CARNMT1: variants seen among roughly 807,000 people sequenced by gnomAD.
CARNMT1 encodes protein-L-histidine N-pros-methyltransferase CARNMT1.
In CARNMT1, 28 loss-of-function variants were observed where a neutral mutation model predicts 49.6. That is an observed-to-expected ratio of 0.56 (90% CI 0.42 to 0.77). CARNMT1 has a LOEUF of 0.77. Ranked by LOEUF, CARNMT1 falls within the 30% of genes least tolerant of loss-of-function variation. The pLI is 0.00. For synonymous variants in CARNMT1, 178 were observed against 175.0 expected, an observed-to-expected ratio of 1.02 and a Z score of -0.13; for missense variants, 421 against 512.6, an observed-to-expected ratio of 0.82 and a Z score of 1.73.
intron 3 of CARNMT1, among the ~76,000 whole-genome samples, chr9:75,000,495 T>C (rs1001726447): frequency 3.3e-5 from 5 of 152,106 alleles, no homozygotes; most frequent in Admixed American, 2.0e-4. Context: ...AACTGATCTC[T>C]ACCTACTAGC....
Position 74,998,751 on chromosome 9 carries a change from G to T in CARNMT1, c.757C>A (p.Leu253Ile). 6.5e-7 allele frequency: 1 copy of T among 1,533,418 alleles called. No homozygotes were observed. The highest frequency in any genetic ancestry group is 8.8e-7 in the Non-Finnish European group (1 of 1,137,258). 95.0% of individuals were successfully genotyped at this position (1,533,418 alleles called of 1,614,324 possible). Residue 253 changes from leucine to isoleucine, a missense_variant, in exon 5 of 8, where the codon CTT becomes ATT. Leu to Ile is a conservative substitution (Grantham distance 5). This residue lies in a region of CARNMT1 where 235 missense variants were observed against 344.8 expected (regional missense o/e 0.68). Coordinates refer to ENST00000376834, the MANE Select transcript of CARNMT1 (RefSeq NM_152420.3). ...CTAAACTGATGGATCCAAGGATAAAGTTTATATTTATTAATTTCAGAACAT... is the reference window on the plus strand; with the variant it reads ...CTAAACTGATGGATCCAAGGATAAATTTTATATTTATTAATTTCAGAACAT... ...NRCSEINKYK[L>I]YPWIHQFSNN...
chr9:75,015,821 A>T (rs10465193), intron 3 of CARNMT1: 34,360 of 136,836 alleles, frequency 0.25, 4,400 homozygotes, highest in East Asian at 0.38. Flanking sequence ...TAAATAAAAT[A>T]AAAAAAAAAT....
In CARNMT1 at chr9:75,017,209, G is replaced by A. The variant is rs766732473; in HGVS notation, c.426+44C>T. ...AAAATAAAAGACCTCAAAATACAGAGGTTGACCCTAAAATAAACAGAAATA... is the reference window on the plus strand; with the variant it reads ...AAAATAAAAGACCTCAAAATACAGAAGTTGACCCTAAAATAAACAGAAATA... On this transcript the variant is annotated intron_variant, in intron 2 of 7. Transcript: ENST00000376834. The A allele has an allele frequency of 4.8e-6, 7 of 1,464,198 alleles. No homozygotes were observed. In the African/African-American group the frequency reaches 8.4e-5, roughly 17 times the overall value. 90.7% of individuals were successfully genotyped at this position (1,464,198 alleles called of 1,614,324 possible).
chr9:75,016,470 TA>T, intron 2 of CARNMT1, 39 bp from the exon 3 acceptor site: 1 of 1,595,314 alleles, frequency 6.3e-7, no homozygotes, highest in South Asian at 1.1e-5. Context: ...TCTGAGAGAG[TA>T]ATCCACTTAT....
chr9:74,981,489 C>T lies in CARNMT1; in HGVS notation c.*2278G>A, dbSNP rs1832692040. The T allele has an allele frequency of 6.6e-6, 1 of 151,860 alleles. No homozygotes were observed. The highest frequency in any genetic ancestry group is 1.5e-5 in the Non-Finnish European group (1 of 67,942). The allele number at this position is 151,860 out of a possible 1,614,324, so 9.4% of individuals were successfully genotyped here. On this transcript the variant is annotated 3_prime_UTR_variant, in exon 8 of 8. Transcript: ENST00000376834. ...TGATACTTCTATTATTGATTGATAC[C>T]ACATTTTCAAGTTTAGAATATATTA...
intron 5 of CARNMT1, among the ~76,000 whole-genome samples, chr9:74,997,907 T>C (rs1379979540): frequency 6.6e-6 from 1 of 152,164 alleles, no homozygotes; most frequent in African/African-American, 2.4e-5. Flanking sequence ...TAGTACTTAG[T>C]AGGTGCTCAA....
intron 3 of CARNMT1, among the ~76,000 whole-genome samples, chr9:75,014,737 C>T (rs953719158): frequency 1.3e-5 from 2 of 152,052 alleles, no homozygotes; most frequent in Non-Finnish European, 2.9e-5. Flanking sequence ...ATCCCAGCTA[C>T]TCGGGAGGCT....
chr9:74,991,258 T>G (rs2118764319), intron 6 of CARNMT1: 1 of 152,466 alleles, frequency 6.6e-6, no homozygotes. Flanking sequence ...TTCTCCTGCC[T>G]CAGCCTCCCG....
At chr9:75,012,740 C>T (rs11144189) in intron 3 of CARNMT1, among the ~76,000 whole-genome samples, 38,529 of 151,298 alleles carry the variant, frequency 0.25, 6,297 homozygotes, top group Non-Finnish European at 0.37. Context: ...TTATCTACCC[C>T]GTCTCTACTA....
intron 3 of CARNMT1, among the ~76,000 whole-genome samples, chr9:75,001,870 T>C (rs761524515): frequency 1.3e-5 from 2 of 152,172 alleles, no homozygotes; most frequent in African/African-American, 4.8e-5. Flanking sequence ...ACAAATCTAA[T>C]ACAGACCTTA....
At position 75,028,194 on chromosome 9, in the gene CARNMT1, C is replaced by T; in HGVS notation, c.48G>A (p.Glu16=). 6.7e-7 allele frequency: 1 copy of T among 1,491,872 alleles called. No individual in the cohort carries two copies. The highest frequency in any genetic ancestry group is 8.9e-7 in the Non-Finnish European group (1 of 1,120,948). 92.4% of individuals were successfully genotyped at this position (1,491,872 alleles called of 1,614,324 possible). A position where few individuals can be genotyped will look rare whatever the true frequency, so the allele number is the denominator to read the frequency against. Reference sequence around the variant, plus strand: ...TGCCACCGCCTCCTCCCCCGCAGCCCTCGGGCAGCCGGGAGGTGGGCGGCG... The same window carrying T: ...TGCCACCGCCTCCTCCCCCGCAGCCTTCGGGCAGCCGGGAGGTGGGCGGCG... The part of the protein sequence containing the change: ...RPPPPTSRLP[E]GCGGGGGGSE... The change falls in exon 1 of 8, where the codon GAG becomes GAA. Residue 16 remains glutamate (E), a synonymous_variant. Transcript: ENST00000376834.
chr9:74,990,584 T>C (rs1310417107), intron 6 of CARNMT1, among the ~76,000 whole-genome samples: 1 of 152,238 alleles, frequency 6.6e-6, no homozygotes, highest in East Asian at 1.9e-4. Context: ...ATATATTTCC[T>C]ACCCTGTTTG....
rs1354018917 is a variant in CARNMT1 at position 75,017,303 on chromosome 9, T to C, written c.376A>G (p.Ile126Val). 6.2e-7 allele frequency: 1 copy of C among 1,613,790 alleles called. No homozygotes were observed. Among genetic ancestry groups the C allele is most frequent in the Admixed American group, 1.7e-5 (1 of 60,006 alleles). The change falls in exon 2 of 8, where the codon ATT (isoleucine) becomes GTT (valine). Residue 126 changes from isoleucine (I) to valine (V), a missense_variant. Physicochemically the swap from Ile to Val is conservative, Grantham distance 29. Transcript: ENST00000376834. ...AACATATGTATGCAATCATTCACAATGGTCAGTAGTATTTCTTGATTATGA... is the reference window on the plus strand; with the variant it reads ...AACATATGTATGCAATCATTCACAACGGTCAGTAGTATTTCTTGATTATGA... ...IDHNQEILLT[I>V]VNDCIHMFEN...
intron 2 of CARNMT1, chr9:75,016,661 T>A: frequency 2.1e-6 from 1 of 482,056 alleles, no homozygotes; most frequent in Non-Finnish European, 3.7e-6. Context: ...CACCATATAA[T>A]TAAGCAGTCT....
At position 75,018,891 on chromosome 9, in the gene CARNMT1, C is replaced by T. The variant is rs891945964; in HGVS notation, c.231-1443G>A. Among the ~76,000 whole-genome samples, 4 of 148,332 alleles carry T rather than the reference C, an allele frequency of 2.7e-5. No individual in the cohort carries two copies. In the Admixed American group the frequency reaches 2.7e-4, roughly 10 times the overall value. On this transcript the variant is annotated intron_variant, in intron 1 of 7. Transcript: ENST00000376834. ...CTGAGGCAGGAGAATCGCTTGAACG[C>T]GGGAGGCAGAGGCTGCAGTGAGCCG...
intron 3 of CARNMT1, among the ~76,000 whole-genome samples, chr9:75,013,638 G>A: frequency 6.6e-6 from 1 of 151,912 alleles, no homozygotes; most frequent in East Asian, 1.9e-4. Flanking sequence ...TACACTAAGT[G>A]AAAAAAGCAA....
intron 5 of CARNMT1, among the ~76,000 whole-genome samples, chr9:74,996,885 A>G (rs1416955089): frequency 6.6e-6 from 1 of 152,216 alleles, no homozygotes; most frequent in African/African-American, 2.4e-5. Context: ...TTCATTTAAA[A>G]TCACTTAAAA....
intron 6 of CARNMT1, among the ~76,000 whole-genome samples, chr9:74,990,035 C>T (rs1433978116): frequency 6.6e-6 from 1 of 152,014 alleles, no homozygotes; most frequent in Non-Finnish European, 1.5e-5. Flanking sequence ...GATTGCATTT[C>T]CAGAAGAAAC....
At chr9:74,985,737 G>T (rs980451394) in intron 6 of CARNMT1, among the ~76,000 whole-genome samples, 1 of 152,008 alleles carries the variant, frequency 6.6e-6, no homozygotes, top group Admixed American at 6.6e-5. Context: ...CTGTCGCCAC[G>T]CCAGGCTAAT....
Sources: gnomAD v4.1 joint callset for allele counts (sites outside exome capture counted in the v4.1 genomes callset) on GRCh38, gnomAD v4.1.1 for gene constraint, gnomAD v4.1.1 regional missense constraint, MANE v1.5 for transcripts, NCBI Gene and HGNC (gene_info 2026-07-23, HGNC 2026-07-21) for gene names.